Variants in GXYLT2 observed in about 807,000 individuals in gnomAD.
GXYLT2 encodes glucoside xylosyltransferase 2, also known as glycosyltransferase 8 domain containing 4.
In GXYLT2, 53 loss-of-function variants were observed where a neutral mutation model predicts 45.8. The observed-to-expected ratio is 1.16, with a 90% confidence interval of 0.93 to 1.46. The LOEUF is 1.46. Among genes scored for constraint, GXYLT2 ranks in the 40% most tolerant of loss-of-function variants. The pLI is 0.00. For synonymous variants in GXYLT2, 219 were observed against 214.2 expected (o/e 1.02, Z -0.19); for missense variants, 551 against 544.4 (o/e 1.01, Z -0.12).
Position 72,975,332 on chromosome 3 carries a change from C to A in GXYLT2, c.*173C>A. ...TGCCCCCAAAAGGGAATATGCTTTTCCTTATTTTTTTTTCTAAAATGCTAT... is the reference window on the plus strand; with the variant it reads ...TGCCCCCAAAAGGGAATATGCTTTTACTTATTTTTTTTTCTAAAATGCTAT... On this transcript the variant is annotated 3_prime_UTR_variant, in exon 7 of 7. Coordinates refer to ENST00000389617, the MANE Select transcript of GXYLT2 (RefSeq NM_001080393.2). 1 of 419,674 alleles carries A rather than the reference C, an allele frequency of 2.4e-6. No homozygotes were observed. The highest frequency in any genetic ancestry group is 9.6e-5 in the South Asian group (1 of 10,470). 26.0% of individuals were successfully genotyped at this position (419,674 alleles called of 1,614,324 possible).
At chr3:72,952,005 CTT>C (rs34302153) in intron 3 of GXYLT2, among the ~76,000 whole-genome samples, 109 of 130,976 alleles carry the variant, frequency 8.3e-4, no homozygotes, top group Non-Finnish European at 9.8e-4. Flanking sequence ...CCATGCCCAG[CTT>C]TTTTTTTTTT....
chr3:72,911,498 C>G (rs545647414), intron 2 of GXYLT2, among the ~76,000 whole-genome samples: 28 of 152,114 alleles, frequency 1.8e-4, no homozygotes, highest in Non-Finnish European at 3.7e-4. Flanking sequence ...GATTAAGTTA[C>G]AAAAGGCACT....
intron 3 of GXYLT2, among the ~76,000 whole-genome samples, chr3:72,925,160 CTTT>C (rs1364669755): frequency 2.8e-5 from 4 of 142,770 alleles, no homozygotes; most frequent in Non-Finnish European, 1.5e-5. Context: ...CTTTTTCTTT[CTTT>C]TTTTTTTTTT....
intron 3 of GXYLT2, among the ~76,000 whole-genome samples, chr3:72,929,822 C>T (rs759839432): frequency 5.9e-5 from 9 of 152,176 alleles, no homozygotes; most frequent in Non-Finnish European, 1.0e-4. Context: ...ATAAATTCGA[C>T]TATATAAATA....
chr3:72,922,849 C>T (rs1487604962), intron 3 of GXYLT2, among the ~76,000 whole-genome samples: 6 of 152,072 alleles, frequency 3.9e-5, no homozygotes, highest in African/African-American at 7.2e-5. Context: ...GCCGGCATGG[C>T]GGCTCACACC....
chr3:72,954,415 G>C (rs1575810854), intron 3 of GXYLT2, among the ~76,000 whole-genome samples: 1 of 150,430 alleles, frequency 6.6e-6, no homozygotes, highest in African/African-American at 2.4e-5. Context: ...GTGTGTGTGT[G>C]TGTGTGTGTG....
chr3:72,963,697 A>C (rs1710810697), intron 5 of GXYLT2, among the ~76,000 whole-genome samples: 1 of 136,762 alleles, frequency 7.3e-6, no homozygotes, highest in Non-Finnish European at 1.6e-5. Flanking sequence ...TTGAGACAAG[A>C]GTTTCACTGT....
intron 6 of GXYLT2, among the ~76,000 whole-genome samples, chr3:72,970,953 AT>A (rs1710977404): frequency 6.6e-6 from 1 of 152,204 alleles, no homozygotes; most frequent in South Asian, 2.1e-4. Flanking sequence ...ATTTCCTGCT[AT>A]TTGGTTTTCA....
At chr3:72,929,841 G>A (rs529641351) in intron 3 of GXYLT2, among the ~76,000 whole-genome samples, 72 of 152,318 alleles carry the variant, frequency 4.7e-4, no homozygotes, top group African/African-American at 1.7e-3. Context: ...TAATAGCATT[G>A]AATGTGAATG....
chr3:72,904,380 T>G (rs557558411), intron 1 of GXYLT2, among the ~76,000 whole-genome samples: 3 of 152,328 alleles, frequency 2.0e-5, no homozygotes, highest in African/African-American at 7.2e-5. Context: ...CTAACACTGA[T>G]TACCTAAAGC....
At chr3:72,932,580 C>T (rs1710060244) in intron 3 of GXYLT2, among the ~76,000 whole-genome samples, 1 of 152,142 alleles carries the variant, frequency 6.6e-6, no homozygotes, top group Non-Finnish European at 1.5e-5. Flanking sequence ...GGGCCAACAA[C>T]ATTTAAGCCA....
At chr3:72,967,080 A>C (rs1003458961) in intron 5 of GXYLT2, among the ~76,000 whole-genome samples, 1 of 152,240 alleles carries the variant, frequency 6.6e-6, no homozygotes, top group African/African-American at 2.4e-5. Context: ...TGCAACTGCT[A>C]ACATTATTGA....
chr3:72,955,182 C>T lies in GXYLT2; in HGVS notation c.685C>T (p.Leu229=). The change falls in exon 4 of 7, where the codon CTG becomes TTG. Residue 229 remains leucine, a synonymous_variant. Coordinates refer to ENST00000389617, the MANE Select transcript of GXYLT2 (RefSeq NM_001080393.2). ...ACCTGTTGATGACATCTGGAAGCTT[C>T]TGAGGCTGTTTAATTCCACCCAGCT... is the stretch of plus-strand genomic sequence containing the variant. ...LRPVDDIWKL[L]RLFNSTQLAA... is the part of the protein sequence containing the mutation. 1 of 1,614,036 alleles carries T rather than the reference C, an allele frequency of 6.2e-7. No individual in the cohort carries two copies. The highest frequency in any genetic ancestry group is 8.5e-7 in the Non-Finnish European group (1 of 1,179,900).
At chr3:72,926,952 G>C (rs149921813) in intron 3 of GXYLT2, 6 of 152,308 alleles carry the variant, frequency 3.9e-5, no homozygotes, top group African/African-American at 1.4e-4. Context: ...TTTAAGGAAG[G>C]AGTTAGAGAG....
intron 2 of GXYLT2, among the ~76,000 whole-genome samples, chr3:72,921,244 A>C (rs944403659): frequency 6.6e-6 from 1 of 152,136 alleles, no homozygotes; most frequent in Non-Finnish European, 1.5e-5. Context: ...ATATGTTATA[A>C]CTGTTTTCCA....
chr3:72,908,359 C>T lies in GXYLT2; in HGVS notation c.276-8C>T. ...GTAATAGCTTTCACTTGTTTTCCCT[C>T]TTTCTAGGAGGCCTGGAGAACCCAG... On this transcript the variant is annotated splice_region_variant and splice_polypyrimidine_tract_variant and intron_variant, in intron 1 of 6. Coordinates refer to ENST00000389617, the MANE Select transcript of GXYLT2 (RefSeq NM_001080393.2). 1 of 1,570,764 alleles carries T rather than the reference C, an allele frequency of 6.4e-7. No homozygotes were observed. Among genetic ancestry groups the T allele is most frequent in the Non-Finnish European group, 8.6e-7 (1 of 1,164,326 alleles).
intron 1 of GXYLT2, among the ~76,000 whole-genome samples, chr3:72,902,400 A>G (rs1709426101): frequency 6.6e-6 from 1 of 152,248 alleles, no homozygotes; most frequent in African/African-American, 2.4e-5. Context: ...GATAACATAA[A>G]TAGAAGATAA....
chr3:72,942,095 T>A (rs916408313), intron 3 of GXYLT2, among the ~76,000 whole-genome samples: 1 of 152,066 alleles, frequency 6.6e-6, no homozygotes, highest in African/African-American at 2.4e-5. Flanking sequence ...ATAAAAATAA[T>A]TTTTAAAAGG....
intron 1 of GXYLT2, among the ~76,000 whole-genome samples, chr3:72,894,477 A>G (rs888544660): frequency 2.0e-5 from 3 of 152,212 alleles, no homozygotes; most frequent in African/African-American, 7.2e-5. Context: ...CCTGAGCAAA[A>G]TCAGACTTTT....
Sources: allele counts gnomAD v4.1 joint callset (sites outside exome capture counted in the v4.1 genomes callset), GRCh38; gene constraint gnomAD v4.1.1; transcripts MANE v1.5; gene names NCBI Gene and HGNC (gene_info 2026-07-23, HGNC 2026-07-21).